Variants in NLRX1 observed in about 807,000 individuals in gnomAD.
NLRX1 encodes NLR family member X1, also known as NOD-like receptor X1.
Under a neutral mutation model 74.2 loss-of-function variants are expected in NLRX1, and 67 were observed. The ratio of observed to expected loss-of-function variants is 0.90; its 90% CI spans 0.74 to 1.11. The LOEUF is 1.11. Ranked by LOEUF, NLRX1 falls within the 50% of genes least tolerant of loss-of-function variation. The pLI is 0.00. For missense variants in NLRX1, 1,191 were observed against 1,305.4 expected (o/e 0.91, Z 1.35); for synonymous variants, 506 against 559.1 (o/e 0.91, Z 1.34).
intron 7 of NLRX1, among the ~76,000 whole-genome samples, chr11:119,180,701 CAAAA>C (rs1302396352): frequency 1.2e-5 from 1 of 84,456 alleles, no homozygotes; most frequent in Non-Finnish European, 2.5e-5. Context: ...AACTCCGTCT[CAAAA>C]AAAAAAAAAA....
At chr11:119,180,360 T>A in intron 7 of NLRX1, 72 bp downstream of exon 7, 1 of 1,286,074 alleles carries the variant, frequency 7.8e-7, no homozygotes, top group South Asian at 1.5e-5. Context: ...GAAAAGAAAG[T>A]GCCAGGGAAA....
At chr11:119,171,807 T>A (rs1326794006) in intron 2 of NLRX1, among the ~76,000 whole-genome samples, 2 of 151,096 alleles carry the variant, frequency 1.3e-5, no homozygotes, top group South Asian at 2.1e-4. Context: ...AAAAAAAAAA[T>A]TAACCAGGTG....
rs1354555748 is a variant in NLRX1, at chr11:119,174,551, C to A, written c.948C>A (p.Asn316Lys). The change falls in exon 6 of 10, where the codon AAC becomes AAA. Residue 316 changes from asparagine (N) to lysine (K), a missense_variant. Transcript: ENST00000409109. ...YGEICGFSDT[N>K]LQKLYFQLRL... ...AGATCTGCGGTTTCTCTGATACCAA[C>A]CTGCAGAAGCTCTACTTCCAGCTCC... 5 of 1,614,222 alleles carry A rather than the reference C, an allele frequency of 3.1e-6. No homozygotes were observed. The Middle Eastern group carries it at 4.9e-4, about 160-fold the overall frequency.
chr11:119,175,727 C>A (rs546036146), intron 6 of NLRX1, among the ~76,000 whole-genome samples: 1 of 152,232 alleles, frequency 6.6e-6, no homozygotes, highest in East Asian at 1.9e-4. Flanking sequence ...AAAGCAGATG[C>A]CATTTTATTC....
At chr11:119,172,879 C>T in intron 3 of NLRX1, 22 bp from the exon 4 acceptor site, 1 of 1,588,266 alleles carries the variant, frequency 6.3e-7, no homozygotes, top group Non-Finnish European at 8.6e-7. Flanking sequence ...AGTCCCAGCT[C>T]ATCCCCTCTC....
At chr11:119,181,993 C>T in intron 8 of NLRX1, 101 bp from the exon 9 acceptor site, 1 of 1,440,074 alleles carries the variant, frequency 6.9e-7, no homozygotes, top group South Asian at 1.3e-5. Flanking sequence ...TCCTGACACC[C>T]AGCACAGGGC....
At chr11:119,180,479 C>T (rs755970964) in intron 7 of NLRX1, among the ~76,000 whole-genome samples, 191 bp downstream of exon 7, 1 of 152,002 alleles carries the variant, frequency 6.6e-6, no homozygotes, top group Non-Finnish European at 1.5e-5. Flanking sequence ...CCAAGGCGGG[C>T]GTATCACCTG....
chr11:119,174,690 C>T lies in NLRX1; in HGVS notation c.1087C>T (p.Gln363Ter). The T allele has an allele frequency of 6.2e-6, 10 of 1,614,000 alleles. No homozygotes were observed. The highest frequency in any genetic ancestry group is 8.5e-6 in the Non-Finnish European group (10 of 1,180,048). The change falls in exon 6 of 10, where the codon CAG (glutamine) becomes TAG (stop). Residue 363 changes from glutamine to a stop codon, truncating the protein, a stop_gained. Transcript: ENST00000409109. LOFTEE classifies it high-confidence loss of function. ...MLSRNLEGHH[Q>*]IAAACFLPSY... The stretch of plus-strand genomic sequence containing the variant: ...CTCCCGGAACCTGGAGGGGCACCAC[C>T]AGATAGCCGCTGCCTGCTTCCTGCC...
In NLRX1 at chr11:119,182,458, T is replaced by C. The variant is rs1948865322; in HGVS notation, c.2606+113T>C. 5 of 1,427,996 alleles carry C rather than the reference T, an allele frequency of 3.5e-6. No homozygotes were observed. In the South Asian group the frequency reaches 5.2e-5, roughly 15 times the overall value. 88.5% of individuals were successfully genotyped at this position (1,427,996 alleles called of 1,614,324 possible). ...CTGGGCCTGGGCCTGGTGCCTGTCCTTTATTCCTGGTTTCTGACTGATCCT... is the reference window on the plus strand; with the variant it reads ...CTGGGCCTGGGCCTGGTGCCTGTCCCTTATTCCTGGTTTCTGACTGATCCT... On this transcript the variant is annotated intron_variant, in intron 9 of 9. Transcript: ENST00000409109.
chr11:119,174,562 T>C lies in NLRX1; in HGVS notation c.959T>C (p.Leu320Pro). The C allele has an allele frequency of 6.2e-7, 1 of 1,614,170 alleles. No individual in the cohort carries two copies. Among genetic ancestry groups the C allele is most frequent in the Non-Finnish European group, 8.5e-7 (1 of 1,180,034 alleles). Reference sequence around the variant, plus strand: ...TTCTCTGATACCAACCTGCAGAAGCTCTACTTCCAGCTCCGCCTCAACCAG... The same window carrying C: ...TTCTCTGATACCAACCTGCAGAAGCCCTACTTCCAGCTCCGCCTCAACCAG... Reference protein sequence around the residue: ...CGFSDTNLQKLYFQLRLNQPY... With the variant: ...CGFSDTNLQKPYFQLRLNQPY... Residue 320 changes from leucine to proline, a missense_variant, in exon 6 of 10, where the codon CTC becomes CCC. Coordinates refer to ENST00000409109, the MANE Select transcript of NLRX1 (RefSeq NM_001282144.2).
At position 119,174,023 on chromosome 11, in the gene NLRX1, T is replaced by C; in HGVS notation, c.774T>C (p.Leu258=). Residue 258 remains leucine (L), a synonymous_variant, in exon 5 of 10, where the codon CTT becomes CTC. Coordinates refer to ENST00000409109, the MANE Select transcript of NLRX1 (RefSeq NM_001282144.2). ...ACTTCCGGCTGGCAGGCACGGGACT[T>C]TGTAGTGACCCGGAGGAACCGCAGG... ...NLDFRLAGTG[L]CSDPEEPQEP... The C allele has an allele frequency of 6.2e-7, 1 of 1,614,178 alleles. No individual in the cohort carries two copies. The highest frequency in any genetic ancestry group is 8.5e-7 in the Non-Finnish European group (1 of 1,180,036).
chr11:119,174,569 C>T lies in NLRX1; in HGVS notation c.966C>T (p.Phe322=), dbSNP rs199476044. 7.4e-6 allele frequency: 12 copies of T among 1,614,168 alleles called. No homozygotes were observed. The highest frequency in any genetic ancestry group is 1.0e-5 in the Non-Finnish European group (12 of 1,180,048). Residue 322 remains phenylalanine, a synonymous_variant, in exon 6 of 10, where the codon TTC becomes TTT. Coordinates refer to ENST00000409109, the MANE Select transcript of NLRX1 (RefSeq NM_001282144.2). Reference sequence around the variant, plus strand: ...ATACCAACCTGCAGAAGCTCTACTTCCAGCTCCGCCTCAACCAGCCGTACT... The same window carrying T: ...ATACCAACCTGCAGAAGCTCTACTTTCAGCTCCGCCTCAACCAGCCGTACT... ...FSDTNLQKLY[F]QLRLNQPYCG... is the part of the protein sequence containing the mutation.
chr11:119,177,106 G>A (rs1028949478), intron 6 of NLRX1, among the ~76,000 whole-genome samples: 2 of 151,962 alleles, frequency 1.3e-5, no homozygotes, highest in African/African-American at 4.8e-5. Context: ...TTTTGAGATG[G>A]AGTCTCGCTC....
rs146231701 is a variant in NLRX1, at chr11:119,172,907, T to C, written c.147T>C (p.Phe49=). ...CCCCTCTCCTTGTTCCCAGGGCCTT[T>C]ATACGCCACCACGGAAGCTCGGTAG... ...GERPFGPPRA[F]IRHHGSSVDS... The change falls in exon 4 of 10, where the codon TTT becomes TTC. Residue 49 remains phenylalanine (F), a synonymous_variant. Transcript: ENST00000409109. 1.1e-4 allele frequency: 178 copies of C among 1,613,824 alleles called. 1 individual carries two copies. In the African/African-American group the frequency reaches 2.0e-3, roughly 18 times the overall value.
At chr11:119,182,913 C>T (rs1324566546) in intron 9 of NLRX1, among the ~76,000 whole-genome samples, 1 of 148,736 alleles carries the variant, frequency 6.7e-6, no homozygotes, top group African/African-American at 2.5e-5. Context: ...AAAACAAAAA[C>T]AAAAACAAAA....
chr11:119,172,498 G>A, intron 3 of NLRX1, 73 bp downstream of exon 3: 7 of 1,186,720 alleles, frequency 5.9e-6, no homozygotes, highest in South Asian at 1.2e-5. Flanking sequence ...CAGGACTTGG[G>A]GCTAGCTTGA....
At position 119,183,108 on chromosome 11, in the gene NLRX1, C is replaced by T. The variant is rs374224083; in HGVS notation, c.2607-10C>T. 5.6e-5 allele frequency: 91 copies of T among 1,612,664 alleles called. No homozygotes were observed. The highest frequency in any genetic ancestry group is 7.5e-5 in the Non-Finnish European group (89 of 1,179,402). ...CTACTGAATGGCATCGACTTTCTCT[C>T]TCCTGCCAGCCTCTACTTCAATGAG... On this transcript the variant is annotated splice_polypyrimidine_tract_variant and intron_variant, in intron 9 of 9. Transcript: ENST00000409109. This position sits in a 1 kb window ranked among gnomAD's most constrained non-coding sequence, Gnocchi z 5.7.
Position 119,180,002 on chromosome 11 carries a change from A to C in NLRX1, c.1981A>C (p.Lys661Gln), listed in dbSNP as rs1327120669. The C allele has an allele frequency of 2.5e-6, 4 of 1,613,560 alleles. No homozygotes were observed. The highest frequency in any genetic ancestry group is 3.3e-5 in the Admixed American group (2 of 60,006). Reference sequence around the variant, plus strand: ...GGAGAATGCCCAGGCCATCAAGAAGAAGCTGGGCAAGCTGGGCCGGCAGGT... The same window carrying C: ...GGAGAATGCCCAGGCCATCAAGAAGCAGCTGGGCAAGCTGGGCCGGCAGGT... ...ALENAQAIKK[K>Q]LGKLGRQVLP... Residue 661 changes from lysine (K) to glutamine (Q), a missense_variant, in exon 7 of 10, where the codon AAG becomes CAG. Transcript: ENST00000409109.
At chr11:119,177,812 C>T (rs1338487971) in intron 6 of NLRX1, 1 of 152,074 alleles carries the variant, frequency 6.6e-6, no homozygotes, top group Non-Finnish European at 1.5e-5. Context: ...CAGAAAGCCC[C>T]CAGTTATTGA....
Sources: allele counts gnomAD v4.1 joint callset (sites outside exome capture counted in the v4.1 genomes callset), GRCh38; gene constraint gnomAD v4.1.1; non-coding constraint Gnocchi (gnomAD v3.1); transcripts MANE v1.5; gene names NCBI Gene and HGNC (gene_info 2026-07-23, HGNC 2026-07-21).